The following ASPHD2 variants were observed in gnomAD, a reference collection of about 807,000 sequenced individuals.
The protein encoded by ASPHD2 is aspartate beta-hydroxylase domain-containing protein 2.
A neutral mutation model predicts 34.6 loss-of-function variants in ASPHD2; 12 were observed. That is an observed-to-expected ratio of 0.35 (90% CI 0.22 to 0.56). The LOEUF is 0.56. Among genes scored for constraint, ASPHD2 ranks in the 20% least tolerant of loss-of-function variants. The probability of loss-of-function intolerance (pLI) is 0.87; values close to 1 mark genes in which losing one functional copy is unlikely to be tolerated. For synonymous variants in ASPHD2, 224 were observed against 212.2 expected (o/e 1.06, Z -0.48); for missense variants, 375 against 505.0 (o/e 0.74, Z 2.47).
intron 2 of ASPHD2, among the ~76,000 whole-genome samples, chr22:26,440,457 G>A (rs763552540): frequency 2.0e-5 from 3 of 151,912 alleles, no homozygotes; most frequent in South Asian, 2.1e-4. Flanking sequence ...TCAGCCTCCC[G>A]AGTAGCTGGG....
At chr22:26,439,429 G>A (rs757835500) in intron 2 of ASPHD2, among the ~76,000 whole-genome samples, 50 of 152,002 alleles carry the variant, frequency 3.3e-4, no homozygotes, top group Middle Eastern at 3.2e-3. Context: ...AAGAAAAATC[G>A]AAAACTCCAC....
chr22:26,436,088 T>C (rs527701458), intron 2 of ASPHD2, among the ~76,000 whole-genome samples: 55 of 152,294 alleles, frequency 3.6e-4, no homozygotes, highest in African/African-American at 1.3e-3. Flanking sequence ...AAATGATCCA[T>C]AAGACATAGA....
intron 1 of ASPHD2, among the ~76,000 whole-genome samples, chr22:26,432,099 A>G (rs2146126355): frequency 6.6e-6 from 1 of 152,338 alleles, no homozygotes. Context: ...GGAGGCTGAG[A>G]TAGGAGAATC....
chr22:26,438,441 A>C (rs935428953), intron 2 of ASPHD2, among the ~76,000 whole-genome samples: 1 of 137,466 alleles, frequency 7.3e-6, no homozygotes, highest in Non-Finnish European at 1.6e-5. Flanking sequence ...ATACACACAT[A>C]CATATATATA....
intron 2 of ASPHD2, among the ~76,000 whole-genome samples, chr22:26,436,682 ATTGTT>A (rs1442621780): frequency 1.3e-5 from 2 of 152,162 alleles, no homozygotes; most frequent in Non-Finnish European, 2.9e-5. Context: ...GCCTTTATGT[ATTGTT>A]TTAAAACTTC....
At position 26,443,201 on chromosome 22, in the gene ASPHD2, C is replaced by T. The variant is rs1023027449; in HGVS notation, c.1105C>T (p.Arg369Ter). The T allele has an allele frequency of 7.4e-6, 12 of 1,613,778 alleles. No homozygotes were observed. The East Asian group carries it at 1.1e-4, about 15-fold the overall frequency. Residue 369 changes from arginine (R) to a stop codon, truncating the protein, a stop_gained, in exon 4 of 4, where the codon CGA (arginine) becomes TGA (stop). Transcript: ENST00000215906. LOFTEE classifies it high-confidence loss of function. ...QALDFIFAPG[R>*] ...TCTTGATTTCATCTTTGCTCCGGGA[C>T]GATGAGAGTATTTCCCATGCTGGAG...
At chr22:26,435,735 G>GAA (rs2084787888) in intron 2 of ASPHD2, among the ~76,000 whole-genome samples, 2 of 132,888 alleles carry the variant, frequency 1.5e-5, no homozygotes, top group East Asian at 2.0e-4. Flanking sequence ...GAAAAGAAAA[G>GAA]AAAAGAAAAG....
chr22:26,438,674 T>A (rs200588695), intron 2 of ASPHD2, among the ~76,000 whole-genome samples: 5 of 122,568 alleles, frequency 4.1e-5, no homozygotes, highest in African/African-American at 1.5e-4. Context: ...TACACATACA[T>A]ACATACACAC....
Position 26,437,125 on chromosome 22 carries a change from G to A in ASPHD2, c.886+2624G>A, listed in dbSNP as rs116895360. 3.6e-3 allele frequency among the ~76,000 whole-genome samples: 545 copies of A among 152,256 alleles called. 15 individuals are homozygous for A. In the East Asian group the frequency reaches 0.066, roughly 18 times the overall value. On this transcript the variant is annotated intron_variant, in intron 2 of 3. Transcript: ENST00000215906. ...CCCAGGAAGGAAACAAAGGTGTGTCGGATTTATGTGACCTTGTGTGTTGAC... is the reference window on the plus strand; with the variant it reads ...CCCAGGAAGGAAACAAAGGTGTGTCAGATTTATGTGACCTTGTGTGTTGAC...
Position 26,429,309 on chromosome 22 carries a change from CA to C in ASPHD2, c.-401del, listed in dbSNP as rs1195349004. On this transcript the variant is annotated 5_prime_UTR_variant, in exon 1 of 4. Transcript: ENST00000215906. The surrounding 1 kb of genome is among the most constrained non-coding windows in gnomAD (Gnocchi z 4.5). ...GAGCGCAGCGCGGCGTCGGCACCGG[CA>C]GGGGCACCGGCGCGGCTTAGGCTCG... 6.7e-6 allele frequency: 1 copy of C among 149,442 alleles called. No homozygotes were observed. Among genetic ancestry groups the C allele is most frequent in the Admixed American group, 6.7e-5 (1 of 14,900 alleles). The allele number at this position is 149,442 out of a possible 1,614,324, so 9.3% of individuals were successfully genotyped here.
chr22:26,430,864 C>T (rs915272494), intron 1 of ASPHD2, among the ~76,000 whole-genome samples: 1 of 152,176 alleles, frequency 6.6e-6, no homozygotes, highest in African/African-American at 2.4e-5. Context: ...TTGCTTACAG[C>T]TCAGCCTTAG....
rs759743164 is a variant in ASPHD2 at position 26,433,672 on chromosome 22, G to A, written c.57G>A (p.Thr19=). Reference sequence around the variant, plus strand: ...CTGATTGTCTGACCTTGCTTCACACGCCCAGTAAGGACTCCCCCAAGATGT... The same window carrying A: ...CTGATTGTCTGACCTTGCTTCACACACCCAGTAAGGACTCCCCCAAGATGT... ...PRTDCLTLLH[T]PSKDSPKMSL... Residue 19 remains threonine (T), a synonymous_variant, in exon 2 of 4, where the codon ACG becomes ACA. Coordinates refer to ENST00000215906, the MANE Select transcript of ASPHD2 (RefSeq NM_020437.5). This position sits in a 1 kb window ranked among gnomAD's most constrained non-coding sequence, Gnocchi z 5.1. 6.2e-6 allele frequency: 10 copies of A among 1,614,036 alleles called. No individual in the cohort carries two copies. Among genetic ancestry groups the A allele is most frequent in the East Asian group, 4.5e-5 (2 of 44,870 alleles).
rs1272400938 is a variant in ASPHD2 at position 26,434,416 on chromosome 22, G to C, written c.801G>C (p.Gly267=). Residue 267 remains glycine, a synonymous_variant, in exon 2 of 4, where the codon GGG becomes GGC. Coordinates refer to ENST00000215906, the MANE Select transcript of ASPHD2 (RefSeq NM_020437.5). The part of the protein sequence containing the change: ...LRTCIGNNVF[G]NACISVLSPG... ...CCTGTATTGGGAACAATGTTTTTGG[G>C]AACGCGTGCATCTCTGTGCTGAGCC... The C allele has an allele frequency of 1.9e-6, 3 of 1,614,042 alleles. No homozygotes were observed. The highest frequency in any genetic ancestry group is 2.5e-6 in the Non-Finnish European group (3 of 1,180,012).
chr22:26,440,266 C>T (rs1049396673), intron 2 of ASPHD2, among the ~76,000 whole-genome samples: 1 of 24,958 alleles, frequency 4.0e-5, no homozygotes, highest in Non-Finnish European at 1.3e-4. Context: ...TCCAACCGGA[C>T]CCCACTGGCC....
At position 26,433,951 on chromosome 22, in the gene ASPHD2, G is replaced by A. The variant is rs750182151; in HGVS notation, c.336G>A (p.Glu112=). The A allele has an allele frequency of 2.0e-5, 33 of 1,613,418 alleles. No individual in the cohort carries two copies. Among genetic ancestry groups the A allele is most frequent in the Middle Eastern group, 1.6e-4 (1 of 6,084 alleles). The change falls in exon 2 of 4, where the codon GAG becomes GAA. Residue 112 remains glutamate (E), a synonymous_variant. Coordinates refer to ENST00000215906, the MANE Select transcript of ASPHD2 (RefSeq NM_020437.5). The surrounding 1 kb of genome is among the most constrained non-coding windows in gnomAD (Gnocchi z 5.1). ...GCTACGTGTACTGCCAGTCCCCTGA[G>A]TGCGTGCGCTGCACCCACAACGAGG... ...QNGYVYCQSP[E]CVRCTHNEGL...
At chr22:26,442,097 C>T (rs2084849317) in intron 2 of ASPHD2, among the ~76,000 whole-genome samples, 1 of 118,710 alleles carries the variant, frequency 8.4e-6, no homozygotes. Flanking sequence ...CAGAGAGAGA[C>T]TCCATTTCAA....
chr22:26,438,536 TACAC>T (rs373641909), intron 2 of ASPHD2, among the ~76,000 whole-genome samples: 2 of 116,890 alleles, frequency 1.7e-5, no homozygotes, highest in African/African-American at 3.5e-5. Flanking sequence ...CATACATATA[TACAC>T]ATACATATAT....
At chr22:26,431,427 A>C (rs1010718040) in intron 1 of ASPHD2, among the ~76,000 whole-genome samples, 7 of 151,982 alleles carry the variant, frequency 4.6e-5, no homozygotes, top group South Asian at 2.1e-4. Context: ...GAAAAAAAAA[A>C]AAAAACAAAA....
rs895122450 is a variant in ASPHD2, at chr22:26,443,978, G to C, written c.*772G>C. On this transcript the variant is annotated 3_prime_UTR_variant, in exon 4 of 4. Coordinates refer to ENST00000215906, the MANE Select transcript of ASPHD2 (RefSeq NM_020437.5). ...GCTGCGGCTCACACAGATCAGCCAC[G>C]GAACGTGTGATCCGCTTACCTCACT... 2 of 152,224 alleles carry C rather than the reference G, an allele frequency of 1.3e-5. No homozygotes were observed. Among genetic ancestry groups the C allele is most frequent in the African/African-American group, 4.8e-5 (2 of 41,460 alleles). The allele number at this position is 152,224 out of a possible 1,614,324, so 9.4% of individuals were successfully genotyped here. A position where few individuals can be genotyped will look rare whatever the true frequency, so the allele number is the denominator to read the frequency against.
Sources: allele counts gnomAD v4.1 joint callset (sites outside exome capture counted in the v4.1 genomes callset), GRCh38; gene constraint gnomAD v4.1.1; non-coding constraint Gnocchi (gnomAD v3.1); transcripts MANE v1.5; gene names NCBI Gene and HGNC (gene_info 2026-07-23, HGNC 2026-07-21).